Variants in MYO16 observed in about 807,000 individuals in gnomAD.
The protein encoded by MYO16 is myosin XVI.
Under a neutral mutation model 205.3 loss-of-function variants are expected in MYO16, and 94 were observed. The ratio of observed to expected loss-of-function variants is 0.46; its 90% CI spans 0.39 to 0.54. The LOEUF is 0.54. MYO16 is among the 20% of genes least tolerant of loss of function. MYO16 has a pLI of 0.00. For synonymous variants in MYO16, 988 were observed against 954.0 expected (o/e 1.04, Z -0.66); for missense variants, 2,315 against 2,387.5 (o/e 0.97, Z 0.63).
chr13:108,909,365 A>AAGG (rs35869970), intron 15 of MYO16, among the ~76,000 whole-genome samples: 82,044 of 151,798 alleles, frequency 0.54, 22,815 homozygotes, highest in East Asian at 0.71. Context: ...GTGAGAATAA[A>AAGG]AGAAGATGAC....
chr13:108,496,841 G>C, the MYO16 span, among the ~76,000 whole-genome samples: 2 of 152,306 alleles, frequency 1.3e-5, no homozygotes, highest in East Asian at 1.9e-4. Context: ...CTTGCTAAGC[G>C]GGGTTAAGTG....
the MYO16 span, among the ~76,000 whole-genome samples, chr13:108,563,987 A>G: frequency 2.6e-5 from 4 of 152,064 alleles, no homozygotes; most frequent in Non-Finnish European, 5.9e-5. Flanking sequence ...TCTTTTCTCC[A>G]CATTCTTGCC....
chr13:108,961,569 G>T lies in MYO16; in HGVS notation c.2068G>T (p.Ala690Ser). Residue 690 changes from alanine (A) to serine (S), a missense_variant, in exon 18 of 35, where the codon GCA (alanine) becomes TCA (serine). Physicochemically the swap from Ala to Ser is moderately conservative, Grantham distance 99 (BLOSUM62 1). Coordinates refer to ENST00000457511, the MANE Select transcript of MYO16 (RefSeq NM_001198950.3). ...GGAGAATCTGTTCGTAATTCTAGCA[G>T]CAATATTGCACCTTGGAGACATTCG... ...EVENLFVILA[A>S]ILHLGDIRFT... 1 of 1,614,036 alleles carries T rather than the reference G, an allele frequency of 6.2e-7. No individual in the cohort carries two copies.
At chr13:109,073,379 G>A (rs1455312917) in intron 27 of MYO16, among the ~76,000 whole-genome samples, 1 of 151,828 alleles carries the variant, frequency 6.6e-6, no homozygotes, top group Non-Finnish European at 1.5e-5. Flanking sequence ...CCGAAGTTGT[G>A]TGATTACAGG....
At chr13:108,673,278 G>A (rs16972898) in intron 2 of MYO16, among the ~76,000 whole-genome samples, 1,994 of 151,952 alleles carry the variant, frequency 0.013, 39 homozygotes, top group African/African-American at 0.046. Context: ...TGCTGTCAAG[G>A]GAATGTCCAA....
intron 29 of MYO16, among the ~76,000 whole-genome samples, chr13:109,122,263 C>A (rs1212068150): frequency 6.6e-6 from 1 of 152,108 alleles, no homozygotes; most frequent in Non-Finnish European, 1.5e-5. Context: ...AGAAATTTTG[C>A]CCCATTAGAA....
At chr13:108,820,468 T>C (rs1875906871) in intron 8 of MYO16, 56 bp downstream of exon 8, 12 of 1,390,558 alleles carry the variant, frequency 8.6e-6, no homozygotes, top group Non-Finnish European at 1.1e-5. Flanking sequence ...TCCTTTCATA[T>C]TGGAGTAGCC....
the MYO16 span, among the ~76,000 whole-genome samples, chr13:108,521,821 T>G: frequency 2.0e-4 from 31 of 152,194 alleles, no homozygotes; most frequent in Non-Finnish European, 4.4e-4. Flanking sequence ...GCATTAGAGA[T>G]TTCAGAAAAA....
At chr13:109,137,777 C>A (rs1876849697) in intron 31 of MYO16, among the ~76,000 whole-genome samples, 1 of 152,202 alleles carries the variant, frequency 6.6e-6, no homozygotes, top group African/African-American at 2.4e-5. Context: ...GAGATACATA[C>A]TCATATCACC....
intron 3 of MYO16, among the ~76,000 whole-genome samples, chr13:108,721,258 CTTGCTCTCTCGTCACT>C (rs1884151638): frequency 6.6e-6 from 1 of 152,188 alleles, no homozygotes; most frequent in African/African-American, 2.4e-5. Context: ...TGAGGAAGGC[CTTGCTCTCTCGTCACT>C]TTGCTCTCTC....
At chr13:109,150,206 C>T (rs1366172299) in intron 32 of MYO16, among the ~76,000 whole-genome samples, 1 of 152,162 alleles carries the variant, frequency 6.6e-6, no homozygotes, top group Non-Finnish European at 1.5e-5. Context: ...TTTGTCTCTA[C>T]AGCAACTTTC....
At chr13:109,109,352 T>G (rs157013) in intron 28 of MYO16, among the ~76,000 whole-genome samples, 120,366 of 152,190 alleles carry the variant, frequency 0.79, 47,612 homozygotes, top group Middle Eastern at 0.83. Context: ...AGCTAAATGG[T>G]TCGGAACCAG....
At chr13:109,023,190 A>C (rs1307976509) in intron 23 of MYO16, among the ~76,000 whole-genome samples, 1 of 126,408 alleles carries the variant, frequency 7.9e-6, no homozygotes, top group Non-Finnish European at 1.6e-5. Context: ...ATATTTATAT[A>C]TTATATATGA....
At chr13:108,584,472 T>C in the MYO16 span, among the ~76,000 whole-genome samples, 38,120 of 152,076 alleles carry the variant, frequency 0.25, 5,165 homozygotes, top group East Asian at 0.45. Flanking sequence ...TTCTTTGTGT[T>C]GGGAAACTTC....
At chr13:108,932,539 C>A (rs73616420) in intron 16 of MYO16, among the ~76,000 whole-genome samples, 4,927 of 152,282 alleles carry the variant, frequency 0.032, 276 homozygotes, top group African/African-American at 0.11. Context: ...CATTAAATTC[C>A]TTCATTAAAA....
At chr13:109,020,053 T>C (rs1296799971) in intron 23 of MYO16, 142 bp downstream of exon 23, 4 of 796,522 alleles carry the variant, frequency 5.0e-6, no homozygotes, top group Non-Finnish European at 2.0e-6. Flanking sequence ...TGTACTTTTC[T>C]AAGTGATTTT....
chr13:109,094,533 A>T (rs9587772), intron 27 of MYO16, among the ~76,000 whole-genome samples: 37,819 of 152,134 alleles, frequency 0.25, 4,794 homozygotes, highest in Middle Eastern at 0.3. Flanking sequence ...TCTTTAAATT[A>T]TTATTATTAT....
intron 1 of MYO16, among the ~76,000 whole-genome samples, chr13:108,647,477 G>A (rs1363511362): frequency 2.0e-5 from 3 of 152,102 alleles, no homozygotes; most frequent in Non-Finnish European, 4.4e-5. Flanking sequence ...TCCAATTCTT[G>A]TTTTAGCTTT....
intron 16 of MYO16, among the ~76,000 whole-genome samples, chr13:108,956,124 C>A (rs1594423934): frequency 6.6e-6 from 1 of 152,318 alleles, no homozygotes; most frequent in East Asian, 1.9e-4. Flanking sequence ...AATTTAAAGT[C>A]AATATGTCTA....
Sources: allele counts gnomAD v4.1 joint callset (sites outside exome capture counted in the v4.1 genomes callset), GRCh38; gene constraint gnomAD v4.1.1; transcripts MANE v1.5; gene names NCBI Gene and HGNC (gene_info 2026-07-23, HGNC 2026-07-21).